The following SPOCK3 variants were observed in gnomAD, a reference collection of about 807,000 sequenced individuals.
The protein encoded by SPOCK3 is testican-3.
A neutral mutation model predicts 56.6 loss-of-function variants in SPOCK3; 30 were observed. The observed-to-expected ratio is 0.53, with a 90% CI of 0.40 to 0.72. SPOCK3 has a LOEUF of 0.72. Ranked by LOEUF, SPOCK3 falls within the 30% of genes least tolerant of loss-of-function variation. The probability of loss-of-function intolerance (pLI) is 0.00; values close to 1 mark genes in which losing one functional copy is unlikely to be tolerated. For synonymous variants in SPOCK3, 196 were observed against 183.3 expected, an observed-to-expected ratio of 1.07 and a Z score of -0.56; for missense variants, 527 against 530.0, an observed-to-expected ratio of 0.99 and a Z score of 0.06.
At chr4:167,131,968 G>A (rs563986944) in intron 2 of SPOCK3, among the ~76,000 whole-genome samples, 1 of 152,190 alleles carries the variant, frequency 6.6e-6, no homozygotes, top group South Asian at 2.1e-4. Context: ...TTTTAGTGAA[G>A]CCCAGGTATT....
rs563327453 is a variant in SPOCK3, at chr4:166,903,739, A to C, written c.474+8881T>G. Among the ~76,000 whole-genome samples, 3 of 152,170 alleles carry C rather than the reference A, an allele frequency of 2.0e-5. No homozygotes were observed. The East Asian group carries it at 5.8e-4, about 29-fold the overall frequency. On this transcript the variant is annotated intron_variant, in intron 5 of 10. Coordinates refer to ENST00000357545, the MANE Select transcript of SPOCK3 (RefSeq NM_001040159.2). ...TGTTTATTTGGCTTGCTTCAGATAC[A>C]AAAACATACTTAATCCACTGTCAAT...
chr4:166,930,560 TGA>T (rs1362522434), intron 4 of SPOCK3, among the ~76,000 whole-genome samples: 3 of 150,612 alleles, frequency 2.0e-5, no homozygotes, highest in Non-Finnish European at 1.5e-5. Flanking sequence ...ACCATAAAAA[TGA>T]GAAAAAAGCA....
chr4:167,055,027 A>T (rs1016711965), intron 3 of SPOCK3, among the ~76,000 whole-genome samples: 2 of 152,170 alleles, frequency 1.3e-5, no homozygotes, highest in African/African-American at 2.4e-5. Context: ...GGTGCATTCT[A>T]TGGAAATTGA....
At chr4:166,902,801 C>G (rs114970968) in intron 5 of SPOCK3, among the ~76,000 whole-genome samples, 1 of 150,720 alleles carries the variant, frequency 6.6e-6, no homozygotes, top group African/African-American at 2.4e-5. Flanking sequence ...TAATTAAATG[C>G]TATTTGGCTC....
intron 4 of SPOCK3, among the ~76,000 whole-genome samples, chr4:166,976,389 T>G (rs1350391374): frequency 1.3e-5 from 2 of 152,170 alleles, no homozygotes; most frequent in African/African-American, 2.4e-5. Context: ...CATGGCCCTA[T>G]GCTTGCCTAT....
intron 2 of SPOCK3, among the ~76,000 whole-genome samples, chr4:167,158,867 T>G (rs1232819410): frequency 6.6e-6 from 1 of 152,018 alleles, no homozygotes; most frequent in Admixed American, 6.6e-5. Context: ...TTATTTTGTT[T>G]ATTGTCTGTT....
chr4:166,940,103 C>T (rs1162907689), intron 4 of SPOCK3, among the ~76,000 whole-genome samples: 1 of 152,118 alleles, frequency 6.6e-6, no homozygotes, highest in Non-Finnish European at 1.5e-5. Flanking sequence ...GTGTATAAGT[C>T]ACGCATGGTG....
chr4:167,174,443 A>AAG (rs1730789335), intron 2 of SPOCK3, among the ~76,000 whole-genome samples: 1 of 151,854 alleles, frequency 6.6e-6, no homozygotes, highest in Admixed American at 6.6e-5. Context: ...TTTGAAAAAA[A>AAG]AAAAATTACT....
At chr4:166,948,212 G>A (rs1243709935) in intron 4 of SPOCK3, among the ~76,000 whole-genome samples, 2 of 152,044 alleles carry the variant, frequency 1.3e-5, no homozygotes, top group Non-Finnish European at 2.9e-5. Context: ...TGGTCGAATA[G>A]TATTCCATTG....
chr4:167,105,430 CAAATT>C (rs928993075), intron 2 of SPOCK3, among the ~76,000 whole-genome samples: 8 of 111,638 alleles, frequency 7.2e-5, no homozygotes, highest in African/African-American at 2.7e-4. Flanking sequence ...ATGATAATCT[CAAATT>C]AAAAAATTAC....
intron 2 of SPOCK3, among the ~76,000 whole-genome samples, chr4:167,178,217 T>G (rs1731148785): frequency 6.6e-6 from 1 of 152,210 alleles, no homozygotes. Flanking sequence ...ATTCAATTTC[T>G]GTGACTGTAA....
chr4:166,856,127 T>A (rs1411182349), intron 6 of SPOCK3, among the ~76,000 whole-genome samples: 1 of 150,384 alleles, frequency 6.6e-6, no homozygotes, highest in East Asian at 2.0e-4. Flanking sequence ...CTCACAGAAG[T>A]AAAGAATGAA....
intron 2 of SPOCK3, among the ~76,000 whole-genome samples, chr4:167,129,490 T>C (rs902039765): frequency 6.6e-6 from 1 of 152,232 alleles, no homozygotes; most frequent in Non-Finnish European, 1.5e-5. Flanking sequence ...TTCATCCCAT[T>C]CTGTTTAGTG....
Position 167,062,691 on chromosome 4 carries a change from A to C in SPOCK3, c.190-154T>G, listed in dbSNP as rs534147698. The stretch of plus-strand genomic sequence containing the variant: ...GCAAATTATAAAATAAATAAATAAA[A>C]ATAAAAAAGAAACAAGAGAAAAAGA... On this transcript the variant is annotated intron_variant, in intron 2 of 10. Transcript: ENST00000357545. 1,254 of 587,926 alleles carry C rather than the reference A, an allele frequency of 2.1e-3. 47 individuals are homozygous for C. In the South Asian group the frequency reaches 0.028, roughly 13 times the overall value. 36.4% of individuals were successfully genotyped at this position (587,926 alleles called of 1,614,324 possible).
chr4:167,027,638 CAT>C (rs1751818682), intron 3 of SPOCK3, among the ~76,000 whole-genome samples: 1 of 151,978 alleles, frequency 6.6e-6, no homozygotes, highest in Non-Finnish European at 1.5e-5. Flanking sequence ...GTTAACAGTC[CAT>C]TACACATGTT....
chr4:167,034,666 A>G (rs1257366852), intron 3 of SPOCK3, among the ~76,000 whole-genome samples: 1 of 152,154 alleles, frequency 6.6e-6, no homozygotes, highest in Non-Finnish European at 1.5e-5. Context: ...GGCCTCCAAG[A>G]TCTATATCTG....
intron 2 of SPOCK3, among the ~76,000 whole-genome samples, chr4:167,125,011 A>T (rs1055569484): frequency 6.6e-6 from 1 of 152,116 alleles, no homozygotes; most frequent in Non-Finnish European, 1.5e-5. Context: ...TCACTATCTT[A>T]GTGAAGTCTT....
intron 4 of SPOCK3, among the ~76,000 whole-genome samples, chr4:166,991,670 C>A (rs1747806860): frequency 6.6e-6 from 1 of 151,906 alleles, no homozygotes; most frequent in Non-Finnish European, 1.5e-5. Flanking sequence ...AGTGCCCAGT[C>A]CATACCAATT....
intron 2 of SPOCK3, among the ~76,000 whole-genome samples, chr4:167,161,270 C>A (rs1433828350): frequency 1.3e-5 from 2 of 152,068 alleles, no homozygotes; most frequent in Admixed American, 6.6e-5. Context: ...ATTTATGCAG[C>A]CAAAAGACAC....
Sources: allele counts gnomAD v4.1 joint callset (sites outside exome capture counted in the v4.1 genomes callset), GRCh38; gene constraint gnomAD v4.1.1; transcripts MANE v1.5; gene names NCBI Gene and HGNC (gene_info 2026-07-23, HGNC 2026-07-21).